Variants in TYW1B observed in about 807,000 individuals in gnomAD.
The protein encoded by TYW1B is tRNA-yW synthesizing protein 1 homolog B.
Under a neutral mutation model 86.9 loss-of-function variants are expected in TYW1B, and 73 were observed. That is an observed-to-expected ratio of 0.84 (90% CI 0.70 to 1.02). The LOEUF (loss-of-function observed/expected upper bound fraction) is 1.02, where lower values mean the gene tolerates loss of function less well. TYW1B is among the 50% of genes least tolerant of loss of function. The pLI, the probability that TYW1B is intolerant of heterozygous loss-of-function variation, is 0.00. For missense variants in TYW1B, 637 were observed against 827.4 expected, an observed-to-expected ratio of 0.77 and a Z score of 2.82; for synonymous variants, 248 against 292.8, an observed-to-expected ratio of 0.85 and a Z score of 1.56.
chr7:72,589,221 G>A (rs1554430993), intron 13 of TYW1B, among the ~76,000 whole-genome samples: 1 of 152,202 alleles, frequency 6.6e-6, no homozygotes, highest in African/African-American at 2.4e-5. Context: ...GGCATGTGTA[G>A]TGCTTACCAC....
intron 8 of TYW1B, among the ~76,000 whole-genome samples, chr7:72,731,060 C>T (rs1339867811): frequency 7.3e-6 from 1 of 136,334 alleles, no homozygotes; most frequent in Non-Finnish European, 1.5e-5. Context: ...ATAAGAATAA[C>T]AGCAGATTTC....
chr7:72,770,115 T>C (rs1425248666), intron 7 of TYW1B, among the ~76,000 whole-genome samples: 1 of 147,812 alleles, frequency 6.8e-6, no homozygotes, highest in Non-Finnish European at 1.5e-5. Context: ...TCATCAACCA[T>C]CACCAGCAAA....
intron 6 of TYW1B, among the ~76,000 whole-genome samples, chr7:72,789,742 G>A (rs1380119484): frequency 6.6e-6 from 1 of 151,772 alleles, no homozygotes; most frequent in Non-Finnish European, 1.5e-5. Flanking sequence ...CTCCCAAAGT[G>A]CTGGGATTAC....
intron 7 of TYW1B, among the ~76,000 whole-genome samples, chr7:72,774,298 C>T (rs1299406952): frequency 5.3e-5 from 8 of 150,708 alleles, no homozygotes; most frequent in Non-Finnish European, 1.2e-4. Context: ...TATACTGAGC[C>T]GGCTCTTGTC....
At chr7:72,769,953 G>A (rs1159141033) in intron 7 of TYW1B, among the ~76,000 whole-genome samples, 1 of 151,898 alleles carries the variant, frequency 6.6e-6, no homozygotes, top group Admixed American at 6.6e-5. Context: ...GTTGGCACAC[G>A]CTTGTAATCC....
intron 11 of TYW1B, among the ~76,000 whole-genome samples, chr7:72,662,432 TAGATAGATAGATAG>T (rs1813354451): frequency 2.3e-5 from 3 of 131,088 alleles, no homozygotes; most frequent in Non-Finnish European, 3.5e-5. Context: ...TATATATAGA[TAGATAGATAGATAG>T]ATAGATAGAT....
At chr7:72,579,010 AG>A (rs1337403559) in intron 13 of TYW1B, among the ~76,000 whole-genome samples, 2 of 152,136 alleles carry the variant, frequency 1.3e-5, no homozygotes, top group Non-Finnish European at 2.9e-5. Context: ...GGGTGTTCTA[AG>A]AGAGAGTAAA....
intron 6 of TYW1B, among the ~76,000 whole-genome samples, chr7:72,795,098 G>A (rs1377742216): frequency 6.6e-6 from 1 of 151,980 alleles, no homozygotes; most frequent in South Asian, 2.1e-4. Flanking sequence ...GGGATTACAT[G>A]TGCAATTCAG....
chr7:72,632,376 T>TATAAAATATATATACATATGTATATAAAA (rs1344563944), intron 11 of TYW1B, among the ~76,000 whole-genome samples: 4 of 96,232 alleles, frequency 4.2e-5, no homozygotes, highest in African/African-American at 1.9e-4. Flanking sequence ...CGCATATATA[T>TATAAAATATATATACATATGTATATAAAA]TATATATATA....
chr7:72,597,239 T>C (rs373303407), intron 13 of TYW1B, among the ~76,000 whole-genome samples: 4,427 of 113,112 alleles, frequency 0.039, no homozygotes, highest in African/African-American at 0.086. Flanking sequence ...GAAATCATGA[T>C]GGAAATTGTA....
At chr7:72,809,827 G>C (rs1788569267) in intron 4 of TYW1B, among the ~76,000 whole-genome samples, 1 of 151,908 alleles carries the variant, frequency 6.6e-6, no homozygotes. Context: ...GTGAAACCCT[G>C]TCTCTACTAA....
chr7:72,640,479 TA>T (rs1380047912), intron 11 of TYW1B, among the ~76,000 whole-genome samples: 1 of 146,592 alleles, frequency 6.8e-6, no homozygotes, highest in African/African-American at 2.5e-5. Context: ...AGGCTGAAAA[TA>T]AAAACAAAAA....
intron 10 of TYW1B, among the ~76,000 whole-genome samples, chr7:72,703,009 TATATATATA>T (rs1814514681): frequency 3.3e-5 from 1 of 30,346 alleles, no homozygotes; most frequent in African/African-American, 1.1e-4. Flanking sequence ...TATATATATA[TATATATATA>T]TATATATATT....
intron 10 of TYW1B, among the ~76,000 whole-genome samples, chr7:72,707,859 G>A (rs1814648902): frequency 6.6e-6 from 1 of 152,218 alleles, no homozygotes; most frequent in Non-Finnish European, 1.5e-5. Flanking sequence ...GGGTGATGGG[G>A]ACTTCCCCCT....
At chr7:72,692,644 T>C (rs1554450558) in intron 11 of TYW1B, among the ~76,000 whole-genome samples, 1 of 151,514 alleles carries the variant, frequency 6.6e-6, no homozygotes, top group Non-Finnish European at 1.5e-5. Context: ...AAAAACAGTG[T>C]TTTTTAATAG....
chr7:72,658,435 T>C (rs879968021), intron 11 of TYW1B, among the ~76,000 whole-genome samples: 11 of 152,172 alleles, frequency 7.2e-5, no homozygotes, highest in Admixed American at 5.9e-4. Flanking sequence ...ATTTGTACTT[T>C]AAAAATTCAA....
intron 11 of TYW1B, among the ~76,000 whole-genome samples, chr7:72,672,704 T>A (rs1342057920): frequency 6.6e-6 from 1 of 152,154 alleles, no homozygotes; most frequent in Non-Finnish European, 1.5e-5. Flanking sequence ...GATTTTGGTA[T>A]CCATGGGGGT....
intron 2 of TYW1B, among the ~76,000 whole-genome samples, chr7:72,823,780 CTAAT>C (rs1484063454): frequency 3.9e-5 from 6 of 152,004 alleles, no homozygotes; most frequent in African/African-American, 7.2e-5. Flanking sequence ...TTTGTATAAA[CTAAT>C]TAATATAGTC....
intron 11 of TYW1B, among the ~76,000 whole-genome samples, chr7:72,671,804 A>C (rs1554446395): frequency 2.7e-5 from 4 of 148,938 alleles, no homozygotes; most frequent in African/African-American, 9.9e-5. Context: ...AACTTTATTC[A>C]CTTTATTAAC....
Sources: gnomAD v4.1 joint callset for allele counts (sites outside exome capture counted in the v4.1 genomes callset) on GRCh38, gnomAD v4.1.1 for gene constraint, MANE v1.5 for transcripts, NCBI Gene and HGNC (gene_info 2026-07-23, HGNC 2026-07-21) for gene names.